The following SEMA6A variants were observed in gnomAD, a reference collection of about 807,000 sequenced individuals.
SEMA6A encodes semaphorin 6A, also known as semaphorin-6A.
A neutral mutation model predicts 96.8 loss-of-function variants in SEMA6A; 25 were observed. That is an observed-to-expected ratio of 0.26 (90% confidence interval 0.19 to 0.36). The LOEUF is 0.36. Among genes scored for constraint, SEMA6A ranks in the 10% least tolerant of loss-of-function variants. The probability of loss-of-function intolerance (pLI) is 1.00; values close to 1 mark genes in which losing one functional copy is unlikely to be tolerated. For synonymous variants in SEMA6A, 612 were observed against 518.0 expected, an observed-to-expected ratio of 1.18 and a Z score of -2.46; for missense variants, 1,363 against 1,323.1, an observed-to-expected ratio of 1.03 and a Z score of -0.47.
chr5:116,568,722 A>T (rs2112920031), intron 1 of SEMA6A, among the ~76,000 whole-genome samples: 1 of 152,256 alleles, frequency 6.6e-6, no homozygotes, highest in South Asian at 2.1e-4. Flanking sequence ...GAATGTGGGA[A>T]TGAACAGGCT....
intron 1 of SEMA6A, among the ~76,000 whole-genome samples, chr5:116,556,211 G>T (rs1016810811): frequency 1.5e-4 from 23 of 152,108 alleles, no homozygotes; most frequent in African/African-American, 5.1e-4. Flanking sequence ...CACATAGTAG[G>T]CATGTACTAT....
intron 1 of SEMA6A, among the ~76,000 whole-genome samples, chr5:116,540,700 A>G (rs1580494282): frequency 6.6e-6 from 1 of 152,142 alleles, no homozygotes; most frequent in East Asian, 1.9e-4. Context: ...TGCATGTTAG[A>G]TACCTATTTC....
At chr5:116,488,667 G>A (rs1757180657) in intron 8 of SEMA6A, among the ~76,000 whole-genome samples, 1 of 152,166 alleles carries the variant, frequency 6.6e-6, no homozygotes, top group Non-Finnish European at 1.5e-5. Flanking sequence ...GTATTCTATT[G>A]TTGTGGCATT....
intron 18 of SEMA6A, among the ~76,000 whole-genome samples, chr5:116,465,268 G>A (rs1232762137): frequency 1.3e-5 from 2 of 152,132 alleles, no homozygotes; most frequent in African/African-American, 4.8e-5. Context: ...ACGGAGTAAC[G>A]CCATCACTAA....
chr5:116,465,791 T>C (rs1755695208), intron 18 of SEMA6A, among the ~76,000 whole-genome samples: 2 of 152,196 alleles, frequency 1.3e-5, no homozygotes, highest in African/African-American at 2.4e-5. Context: ...TTAGTTGGCA[T>C]ATTTAATGCT....
At chr5:116,487,050 G>T in intron 9 of SEMA6A, 84 bp from the exon 10 acceptor site, 1 of 815,700 alleles carries the variant, frequency 1.2e-6, no homozygotes, top group South Asian at 2.1e-5. Flanking sequence ...CTTGAAAACA[G>T]AAACAAAACA....
chr5:116,467,894 GGTGGT>G, intron 17 of SEMA6A, 147 bp from the exon 18 acceptor site: 1 of 639,032 alleles, frequency 1.6e-6, no homozygotes. Context: ...TGGTGGTGGT[GGTGGT>G]GGTGGTGGTG....
intron 1 of SEMA6A, among the ~76,000 whole-genome samples, chr5:116,508,780 A>C (rs1239571339): frequency 6.6e-6 from 1 of 152,138 alleles, no homozygotes; most frequent in Non-Finnish European, 1.5e-5. Context: ...CTCTCTCCAG[A>C]CGGAAACATT....
At chr5:116,518,737 G>C (rs1052436048) in intron 1 of SEMA6A, among the ~76,000 whole-genome samples, 1 of 152,196 alleles carries the variant, frequency 6.6e-6, no homozygotes, top group Non-Finnish European at 1.5e-5. Flanking sequence ...GTCTCTAGAA[G>C]CTACTTAGCC....
chr5:116,497,470 G>C, intron 3 of SEMA6A, 83 bp from the exon 4 acceptor site: 2 of 791,792 alleles, frequency 2.5e-6, no homozygotes, highest in Non-Finnish European at 4.1e-6. Flanking sequence ...TGTCTTATCA[G>C]GGCAGATAAG....
At chr5:116,559,889 C>G (rs1303901235) in intron 1 of SEMA6A, among the ~76,000 whole-genome samples, 1 of 152,194 alleles carries the variant, frequency 6.6e-6, no homozygotes, top group Non-Finnish European at 1.5e-5. Context: ...CAGATTTATA[C>G]TTCTAAAACA....
chr5:116,488,156 G>T lies in SEMA6A; in HGVS notation c.696C>A (p.Ile232=), dbSNP rs1340178431. The T allele has an allele frequency of 1.2e-6, 2 of 1,612,318 alleles. No homozygotes were observed. The highest frequency in any genetic ancestry group is 2.7e-5 in the African/African-American group (2 of 75,026). ...FVQAVDYGDY[I]YFFFREIAVE... ...CTGCTATTTCCCTGAAGAAGAAGTA[G>T]ATATAATCTCCGTAATCCACGGCTT... The change falls in exon 9 of 19, where the codon ATC becomes ATA. Residue 232 remains isoleucine, a synonymous_variant. Transcript: ENST00000343348.
At chr5:116,474,588 A>G (rs1002572645) in intron 16 of SEMA6A, among the ~76,000 whole-genome samples, 1 of 152,242 alleles carries the variant, frequency 6.6e-6, no homozygotes, top group Admixed American at 6.5e-5. Context: ...TTATTTGATT[A>G]TAACTAATCT....
chr5:116,474,278 GCACA>G (rs113731062), intron 16 of SEMA6A, among the ~76,000 whole-genome samples: 2,834 of 147,364 alleles, frequency 0.019, 97 homozygotes, highest in African/African-American at 0.062. Context: ...GTGCACGCAT[GCACA>G]CACACACACA....
intron 1 of SEMA6A, among the ~76,000 whole-genome samples, chr5:116,527,239 AT>A (rs201467786): frequency 0.012 from 1,874 of 152,082 alleles, 32 homozygotes; most frequent in African/African-American, 0.041. Flanking sequence ...AACATTATAT[AT>A]TTTTTTCTGA....
At chr5:116,506,252 CA>C (rs1758140560) in intron 1 of SEMA6A, among the ~76,000 whole-genome samples, 2 of 152,170 alleles carry the variant, frequency 1.3e-5, no homozygotes, top group African/African-American at 4.8e-5. Context: ...CTTATAATTT[CA>C]CACACACAGC....
At chr5:116,448,267 C>T (rs954428020) in intron 18 of SEMA6A, among the ~76,000 whole-genome samples, 2 of 151,306 alleles carry the variant, frequency 1.3e-5, no homozygotes, top group Non-Finnish European at 2.9e-5. Flanking sequence ...ATTGTTTGAA[C>T]CTGGGAGGTG....
rs1037440358 is a variant in SEMA6A, at chr5:116,496,635, C to G, written c.280-322G>C. 3.9e-5 allele frequency among the ~76,000 whole-genome samples: 6 copies of G among 152,180 alleles called. No individual in the cohort carries two copies. In the East Asian group the frequency reaches 1.2e-3, roughly 29 times the overall value. ...CCAAATTAATTTGCCAAATTATGCT[C>G]ATTTGGATAAAATATATGTCCTTGC... On this transcript the variant is annotated intron_variant, in intron 4 of 18. Coordinates refer to ENST00000343348, the MANE Select transcript of SEMA6A (RefSeq NM_020796.5).
chr5:116,453,553 C>G (rs541440501), intron 18 of SEMA6A, among the ~76,000 whole-genome samples: 9 of 152,158 alleles, frequency 5.9e-5, no homozygotes, highest in Non-Finnish European at 1.2e-4. Flanking sequence ...GCTAGAAATA[C>G]CATTTGGAAG....
Sources: gnomAD v4.1 joint callset for allele counts (sites outside exome capture counted in the v4.1 genomes callset) on GRCh38, gnomAD v4.1.1 for gene constraint, MANE v1.5 for transcripts, NCBI Gene and HGNC (gene_info 2026-07-23, HGNC 2026-07-21) for gene names.